Variants in FAT3 observed in about 807,000 individuals in gnomAD.
The protein encoded by FAT3 is FAT atypical cadherin 3.
A neutral mutation model predicts 310.2 loss-of-function variants in FAT3; 95 were observed. The ratio of observed to expected loss-of-function variants is 0.31; its 90% CI spans 0.26 to 0.36. The LOEUF (loss-of-function observed/expected upper bound fraction) is 0.36, where lower values mean the gene tolerates loss of function less well. FAT3 is among the 10% of genes least tolerant of loss of function. FAT3 has a pLI of 1.00. For missense variants in FAT3, 5,408 were observed against 5,715.6 expected, an observed-to-expected ratio of 0.95 and a Z score of 1.74; for synonymous variants, 2,314 against 2,192.9, an observed-to-expected ratio of 1.06 and a Z score of -1.54.
At chr11:92,613,294 C>T (rs1314462025) in intron 3 of FAT3, among the ~76,000 whole-genome samples, 2 of 152,138 alleles carry the variant, frequency 1.3e-5, no homozygotes, top group Non-Finnish European at 2.9e-5. Context: ...TGTAGAAATA[C>T]AAATCACTCT....
rs1948344617 is a variant in FAT3, at chr11:92,344,039, C to A, written c.-17-8057C>A. Among the ~76,000 whole-genome samples the A allele has an allele frequency of 2.0e-5, 3 of 152,190 alleles. No individual in the cohort carries two copies. The South Asian group carries it at 6.2e-4, about 32-fold the overall frequency. Reference sequence around the variant, plus strand: ...ATTTTTGAAATTGTACATATTATATCCCTTGGGATCCCAAATTACATAGCA... The same window carrying A: ...ATTTTTGAAATTGTACATATTATATACCTTGGGATCCCAAATTACATAGCA... On this transcript the variant is annotated intron_variant, in intron 1 of 27. Transcript: ENST00000525166.
chr11:92,742,009 C>T (rs1591671263), intron 4 of FAT3, among the ~76,000 whole-genome samples: 2 of 152,306 alleles, frequency 1.3e-5, no homozygotes, highest in East Asian at 3.9e-4. Context: ...CCTGATGCCT[C>T]TTATGAAAAC....
intron 1 of FAT3, among the ~76,000 whole-genome samples, 183 bp downstream of exon 1, chr11:92,225,357 C>G (rs905951991): frequency 1.3e-5 from 2 of 152,200 alleles, no homozygotes; most frequent in South Asian, 2.1e-4. Flanking sequence ...CGCGCAGCCC[C>G]GAGCCGCCGT....
chr11:92,774,280 G>A (rs1465330537), intron 7 of FAT3, 100 bp downstream of exon 7: 1 of 1,277,744 alleles, frequency 7.8e-7, no homozygotes, highest in Non-Finnish European at 1.1e-6. Context: ...AGTAAATTAT[G>A]TCGACGGTTT....
intron 1 of FAT3, among the ~76,000 whole-genome samples, chr11:92,269,952 G>A (rs768911912): frequency 4.6e-5 from 7 of 152,044 alleles, no homozygotes; most frequent in Non-Finnish European, 7.4e-5. Context: ...TTTTAAATGC[G>A]TTAAGTTATT....
intron 2 of FAT3, among the ~76,000 whole-genome samples, chr11:92,423,571 G>A (rs748986019): frequency 3.3e-5 from 5 of 152,094 alleles, no homozygotes; most frequent in Non-Finnish European, 7.4e-5. Context: ...ACTGCCTCAC[G>A]CTAATTAGGA....
At chr11:92,642,799 A>G (rs1942010121) in intron 3 of FAT3, among the ~76,000 whole-genome samples, 1 of 152,202 alleles carries the variant, frequency 6.6e-6, no homozygotes, top group African/African-American at 2.4e-5. Flanking sequence ...CTAGATGCCT[A>G]GAGTCCTGGG....
At chr11:92,773,442 A>C (rs1299139069) in intron 6 of FAT3, among the ~76,000 whole-genome samples, 3 of 152,194 alleles carry the variant, frequency 2.0e-5, no homozygotes, top group Non-Finnish European at 4.4e-5. Context: ...TACACTACCA[A>C]GATGGCAAAA....
chr11:92,454,176 C>T (rs1320833439), intron 2 of FAT3, among the ~76,000 whole-genome samples: 1 of 152,038 alleles, frequency 6.6e-6, no homozygotes, highest in Non-Finnish European at 1.5e-5. Flanking sequence ...TAAAGCACAC[C>T]TCAATTTAGA....
At chr11:92,570,987 AG>A (rs1189370364) in intron 3 of FAT3, among the ~76,000 whole-genome samples, 1 of 152,208 alleles carries the variant, frequency 6.6e-6, no homozygotes, top group Admixed American at 6.6e-5. Flanking sequence ...ATGAGTGGTC[AG>A]TAAAAGTTAT....
At chr11:92,362,287 A>T (rs1948901840) in intron 2 of FAT3, among the ~76,000 whole-genome samples, 1 of 152,224 alleles carries the variant, frequency 6.6e-6, no homozygotes, top group Non-Finnish European at 1.5e-5. Context: ...ATTACTGTCA[A>T]GCTAATTTCT....
chr11:92,285,717 G>A (rs768357612), intron 1 of FAT3, among the ~76,000 whole-genome samples: 1 of 152,124 alleles, frequency 6.6e-6, no homozygotes. Context: ...GTTCCCTTGC[G>A]CATGTCCTGT....
chr11:92,891,431 C>A lies in FAT3; in HGVS notation c.*318C>A. On this transcript the variant is annotated 3_prime_UTR_variant, in exon 28 of 28. Coordinates refer to ENST00000525166, the MANE Select transcript of FAT3 (RefSeq NM_001367949.2). ...ACAGCCAGTCTTGTATGGCTTTGTGCAGTATTGTGCCCTGGAAAGTGTTAC... is the reference window on the plus strand; with the variant it reads ...ACAGCCAGTCTTGTATGGCTTTGTGAAGTATTGTGCCCTGGAAAGTGTTAC... 2.6e-6 allele frequency: 1 copy of A among 378,958 alleles called. No homozygotes were observed. The highest frequency in any genetic ancestry group is 2.5e-5 in the South Asian group (1 of 40,312). 23.5% of individuals were successfully genotyped at this position (378,958 alleles called of 1,614,324 possible).
chr11:92,455,328 C>T (rs1391890336), intron 2 of FAT3, among the ~76,000 whole-genome samples: 2 of 152,126 alleles, frequency 1.3e-5, no homozygotes, highest in Non-Finnish European at 2.9e-5. Flanking sequence ...TCTCTGTTCC[C>T]AGAAATTGTG....
chr11:92,720,752 T>C (rs1479708680), intron 4 of FAT3, among the ~76,000 whole-genome samples: 1 of 152,222 alleles, frequency 6.6e-6, no homozygotes, highest in Admixed American at 6.5e-5. Context: ...ATTTGAAGTG[T>C]AGCCATCTAA....
intron 2 of FAT3, among the ~76,000 whole-genome samples, chr11:92,427,729 A>G (rs1004180122): frequency 2.0e-5 from 3 of 152,120 alleles, no homozygotes; most frequent in African/African-American, 7.2e-5. Flanking sequence ...AGACTTGATC[A>G]TGGTGGATAA....
chr11:92,798,905 T>G lies in FAT3; in HGVS notation c.5892T>G (p.Ser1964Arg). The G allele has an allele frequency of 6.2e-7, 1 of 1,613,984 alleles. No individual in the cohort carries two copies. The highest frequency in any genetic ancestry group is 2.2e-5 in the East Asian group (1 of 44,878). ...AGGTGTCTGATGGAAAGTTCTACAG[T>G]ACCTCCATGGTCACCATCATGGTTA... ...IVKVSDGKFYSTSMVTIMVKE... is the reference protein window; with the variant it reads ...IVKVSDGKFYRTSMVTIMVKE... Residue 1964 changes from serine to arginine, a missense_variant, in exon 10 of 28, where the codon AGT becomes AGG. Coordinates refer to ENST00000525166, the MANE Select transcript of FAT3 (RefSeq NM_001367949.2).
At chr11:92,426,067 A>T (rs957782977) in intron 2 of FAT3, among the ~76,000 whole-genome samples, 9 of 152,242 alleles carry the variant, frequency 5.9e-5, no homozygotes, top group Non-Finnish European at 1.3e-4. Flanking sequence ...CTTTTTAATG[A>T]TCGCCATTCT....
chr11:92,626,465 G>C (rs1439807154), intron 3 of FAT3, among the ~76,000 whole-genome samples: 1 of 150,020 alleles, frequency 6.7e-6, no homozygotes, highest in African/African-American at 2.4e-5. Context: ...TTGGCGTAGC[G>C]TATCTCTTTT....
Sources: allele counts gnomAD v4.1 joint callset (sites outside exome capture counted in the v4.1 genomes callset), GRCh38; gene constraint gnomAD v4.1.1; transcripts MANE v1.5; gene names NCBI Gene and HGNC (gene_info 2026-07-23, HGNC 2026-07-21).